The following LYG2 variants were observed in gnomAD, a reference collection of about 807,000 sequenced individuals.
LYG2 encodes the protein lysozyme g2.
In LYG2, 25 loss-of-function variants were observed where a neutral mutation model predicts 22.4. That is an observed-to-expected ratio of 1.12 (90% CI 0.81 to 1.56). The LOEUF is 1.56. Among genes scored for constraint, LYG2 ranks in the 40% most tolerant of loss-of-function variants. The pLI, the probability that LYG2 is intolerant of heterozygous loss-of-function variation, is 0.00. For missense variants in LYG2, 266 were observed against 269.5 expected (o/e 0.99, Z 0.09); for synonymous variants, 88 against 97.0 (o/e 0.91, Z 0.55).
rs34440649 is a variant in LYG2, at chr2:99,245,612, T to TAA, written c.185-156_185-155dup. Among the ~76,000 whole-genome samples, 182 of 125,540 alleles carry TAA rather than the reference T, an allele frequency of 1.4e-3. 1 individual carries two copies. The highest frequency in any genetic ancestry group is 3.2e-3 in the Admixed American group (39 of 12,072). 82.4% of individuals were successfully genotyped at this position (125,540 alleles called of 152,430 possible). Reference sequence around the variant, plus strand: ...ATCATAGTGAGAGCCCATCTCTAATTAAAAAAAAAAAAAAAAAGAATTTAA... The same window carrying TAA: ...ATCATAGTGAGAGCCCATCTCTAATTAAAAAAAAAAAAAAAAAAAGAATTTAA... On this transcript the variant is annotated intron_variant, in intron 4 of 6. Transcript: ENST00000333017.
chr2:99,242,263 A>T lies in LYG2; in HGVS notation c.*101T>A. 1 of 542,566 alleles carries T rather than the reference A, an allele frequency of 1.8e-6. No individual in the cohort carries two copies. The highest frequency in any genetic ancestry group is 3.3e-6 in the Non-Finnish European group (1 of 307,528). 33.6% of individuals were successfully genotyped at this position (542,566 alleles called of 1,614,324 possible). A position where few individuals can be genotyped will look rare whatever the true frequency, so the allele number is the denominator to read the frequency against. ...GAAATGAATTTTCTTTCATGATTTT[A>T]ATCATTTCTTTGCCAGTGTTGTATA... On this transcript the variant is annotated 3_prime_UTR_variant, in exon 7 of 7. Transcript: ENST00000333017.
Position 99,242,378 on chromosome 2 carries a change from T to C in LYG2, c.625A>G (p.Arg209Gly), listed in dbSNP as rs769398023. The C allele has an allele frequency of 8.1e-6, 13 of 1,611,626 alleles. No individual in the cohort carries two copies. The East Asian group carries it at 2.9e-4, about 36-fold the overall frequency. The change falls in exon 7 of 7, where the codon AGA becomes GGA. Residue 209 changes from arginine to glycine, a missense_variant. Arg to Gly is a moderately radical substitution (Grantham distance 125). Transcript: ENST00000333017. ...DIIARAKFYK[R>G]QSF ...CAGAGCTTTGCCTAGAAGCTTTGTC[T>C]TTTATAGAACTTAGCTCGAGCAATG...
chr2:99,244,219 T>G, intron 5 of LYG2, 82 bp from the exon 6 acceptor site: 1 of 1,405,118 alleles, frequency 7.1e-7, no homozygotes, highest in Non-Finnish European at 9.7e-7. Context: ...CTCCTGGTAT[T>G]CAAGTCATAG....
At chr2:99,254,612 A>G (rs1488029513) in intron 2 of LYG2, among the ~76,000 whole-genome samples, 1 of 152,070 alleles carries the variant, frequency 6.6e-6, no homozygotes, top group Non-Finnish European at 1.5e-5. Flanking sequence ...AAAAAAAAAT[A>G]CTGATCTTTT....
At chr2:99,253,012 ACT>A (rs1304630404) in intron 3 of LYG2, among the ~76,000 whole-genome samples, 4 of 134,572 alleles carry the variant, frequency 3.0e-5, no homozygotes, top group East Asian at 2.3e-4. Context: ...GCACCACTGC[ACT>A]CTCCAGCCTG....
upstream of LYG2, among the ~76,000 whole-genome samples, chr2:99,259,495 G>C (rs1178243376): frequency 6.6e-6 from 1 of 152,094 alleles, no homozygotes; most frequent in East Asian, 1.9e-4. Flanking sequence ...CCATGTCTAG[G>C]AATATATTTG....
At chr2:99,245,515 A>C in intron 4 of LYG2, 57 bp from the exon 5 acceptor site, 1 of 1,168,652 alleles carries the variant, frequency 8.6e-7, no homozygotes, top group Non-Finnish European at 1.2e-6. Flanking sequence ...GCCTGAAGTC[A>C]GTTCCTGCTA....
At chr2:99,250,451 T>C (rs934597518) in intron 3 of LYG2, among the ~76,000 whole-genome samples, 1 of 149,362 alleles carries the variant, frequency 6.7e-6, no homozygotes, top group African/African-American at 2.5e-5. Context: ...CATGGCTCAC[T>C]GCAAGCTCCG....
Position 99,246,831 on chromosome 2 carries a change from G to C in LYG2, c.44-11C>G. The C allele has an allele frequency of 6.2e-7, 1 of 1,607,718 alleles. No homozygotes were observed. Among genetic ancestry groups the C allele is most frequent in the Non-Finnish European group, 8.5e-7 (1 of 1,178,142 alleles). On this transcript the variant is annotated splice_polypyrimidine_tract_variant and intron_variant, in intron 3 of 6. Transcript: ENST00000333017. ...AGCCCCTGGAAGTGCCTAGGAGGCA[G>C]AAGTGTAACTCACATGAATCCTCTG... is the stretch of plus-strand genomic sequence containing the variant.
At chr2:99,252,947 T>C (rs941738044) in intron 3 of LYG2, among the ~76,000 whole-genome samples, 4 of 148,334 alleles carry the variant, frequency 2.7e-5, no homozygotes, top group Admixed American at 1.4e-4. Flanking sequence ...CTTGGGAGGC[T>C]GAGGCAGAAG....
chr2:99,253,768 A>G (rs1367070686), intron 3 of LYG2, among the ~76,000 whole-genome samples: 3 of 152,028 alleles, frequency 2.0e-5, no homozygotes, highest in Non-Finnish European at 2.9e-5. Context: ...GTCCCCCCCA[A>G]AAGCCTTTCA....
At chr2:99,247,495 A>G (rs2094018241) in intron 3 of LYG2, among the ~76,000 whole-genome samples, 1 of 150,222 alleles carries the variant, frequency 6.7e-6, no homozygotes, top group South Asian at 2.1e-4. Context: ...ACGTGGGCAT[A>G]TTGTGTGATG....
chr2:99,254,680 T>C (rs2094032920), intron 2 of LYG2, among the ~76,000 whole-genome samples: 1 of 152,136 alleles, frequency 6.6e-6, no homozygotes, highest in African/African-American at 2.4e-5. Context: ...CTTTCATTCA[T>C]TTATTTAGAA....
intron 6 of LYG2, chr2:99,243,492 A>AGATAGATT (rs60187893): frequency 1.3e-6 from 1 of 789,606 alleles, no homozygotes; most frequent in Non-Finnish European, 1.6e-6. Context: ...GTAGGCAAAC[A>AGATAGATT]GATAGATAGA....
chr2:99,245,477 A>G lies in LYG2; in HGVS notation c.185-19T>C. On this transcript the variant is annotated intron_variant, in intron 4 of 6. Coordinates refer to ENST00000333017, the MANE Select transcript of LYG2 (RefSeq NM_175735.4). Reference sequence around the variant, plus strand: ...CGGATCCCTACGTCAATAGAAAAGAAACTGTTTTTCCGGGCATGGTAGTGT... The same window carrying G: ...CGGATCCCTACGTCAATAGAAAAGAGACTGTTTTTCCGGGCATGGTAGTGT... The G allele has an allele frequency of 6.5e-7, 1 of 1,546,690 alleles. No homozygotes were observed. The highest frequency in any genetic ancestry group is 8.8e-7 in the Non-Finnish European group (1 of 1,131,810).
chr2:99,246,846 T>G, intron 3 of LYG2, 26 bp from the exon 4 acceptor site: 1 of 1,601,360 alleles, frequency 6.2e-7, no homozygotes. Flanking sequence ...GTAACTCACA[T>G]GAATCCTCTG....
chr2:99,261,295 A>T, the LYG2 span, among the ~76,000 whole-genome samples: 1 of 152,136 alleles, frequency 6.6e-6, no homozygotes, highest in East Asian at 1.9e-4. Context: ...CAGTGGGAAG[A>T]TTTAAGCTTA....
chr2:99,243,513 GA>G (rs1480307796), intron 6 of LYG2: 2 of 1,511,218 alleles, frequency 1.3e-6, no homozygotes, highest in African/African-American at 2.8e-5. Flanking sequence ...TAGATAGATA[GA>G]TAGATAGATA....
At position 99,254,232 on chromosome 2, in the gene LYG2, A is replaced by G. The variant is rs1400361580; in HGVS notation, c.29T>C (p.Leu10Pro). 6.2e-7 allele frequency: 1 copy of G among 1,613,986 alleles called. No homozygotes were observed. The highest frequency in any genetic ancestry group is 8.5e-7 in the Non-Finnish European group (1 of 1,179,962). ...CAGTGACTTACCAATGAGGGCAATTAGTCCCCAAAACACCACGGAGGATAA... is the reference window on the plus strand; with the variant it reads ...CAGTGACTTACCAATGAGGGCAATTGGTCCCCAAAACACCACGGAGGATAA... MLSSVVFWG[L>P]IALIGTSRGS... is the part of the protein sequence containing the mutation. Residue 10 changes from leucine (L) to proline (P), a missense_variant, in exon 3 of 7, where the codon CTA (leucine) becomes CCA (proline). By Grantham distance (98) the Leu-to-Pro change is moderately conservative. Transcript: ENST00000333017.
Sources: gnomAD v4.1 joint callset for allele counts (sites outside exome capture counted in the v4.1 genomes callset) on GRCh38, gnomAD v4.1.1 for gene constraint, MANE v1.5 for transcripts, NCBI Gene and HGNC (gene_info 2026-07-23, HGNC 2026-07-21) for gene names.